Variants in CSMD1 observed in about 807,000 individuals in gnomAD.
CSMD1 encodes the protein CUB and Sushi multiple domains 1.
Under a neutral mutation model 417.5 loss-of-function variants are expected in CSMD1, and 213 were observed. The observed-to-expected ratio is 0.51, with a 90% CI of 0.46 to 0.57. The LOEUF (loss-of-function observed/expected upper bound fraction) is 0.57, where lower values mean the gene tolerates loss of function less well. CSMD1 is among the 20% of genes least tolerant of loss of function. The pLI, the probability that CSMD1 is intolerant of heterozygous loss-of-function variation, is 0.00. For synonymous variants in CSMD1, 2,862 were observed against 1,736.8 expected (o/e 1.65, Z -16.11); for missense variants, 6,923 against 4,529.7 (o/e 1.53, Z -15.17).
intron 6 of CSMD1, among the ~76,000 whole-genome samples, chr8:3,743,172 A>G (rs565365888): frequency 6.6e-6 from 1 of 151,924 alleles, no homozygotes; most frequent in Non-Finnish European, 1.5e-5. Context: ...GCATCTCTCT[A>G]CTGTGCTACA....
At chr8:4,361,338 A>G (rs1180672748) in intron 3 of CSMD1, among the ~76,000 whole-genome samples, 4 of 152,218 alleles carry the variant, frequency 2.6e-5, no homozygotes, top group Non-Finnish European at 5.9e-5. Context: ...GATATATCTG[A>G]TATCTGCAGT....
At chr8:3,971,325 G>T (rs189986610) in intron 5 of CSMD1, among the ~76,000 whole-genome samples, 1 of 152,146 alleles carries the variant, frequency 6.6e-6, no homozygotes, top group African/African-American at 2.4e-5. Flanking sequence ...AGTGGCTGCA[G>T]CTGCCGGTTC....
intron 10 of CSMD1, among the ~76,000 whole-genome samples, chr8:3,535,204 T>G (rs1798144940): frequency 6.6e-6 from 1 of 152,170 alleles, no homozygotes; most frequent in Non-Finnish European, 1.5e-5. Context: ...TCCTTCTGTT[T>G]CAGCCTCCCA....
intron 1 of CSMD1, among the ~76,000 whole-genome samples, chr8:4,841,930 A>AAAAAAAAAAAAAAAAAAAAAC (rs1192383183): frequency 8.2e-6 from 1 of 122,428 alleles, no homozygotes; most frequent in African/African-American, 3.3e-5. Context: ...AAAAAAAAAA[A>AAAAAAAAAAAAAAAAAAAAAC]AAAAAAAAGT....
intron 3 of CSMD1, among the ~76,000 whole-genome samples, chr8:4,151,523 A>C (rs1017317578): frequency 4.6e-5 from 7 of 152,230 alleles, no homozygotes; most frequent in African/African-American, 1.4e-4. Flanking sequence ...TTTGGTAGTG[A>C]AACTTTATCA....
chr8:3,605,521 G>A (rs536262814), intron 8 of CSMD1, among the ~76,000 whole-genome samples: 6 of 152,162 alleles, frequency 3.9e-5, no homozygotes, highest in African/African-American at 1.2e-4. Context: ...AACTAGAAAT[G>A]AGCAGTTGTT....
At chr8:4,789,035 T>G (rs564355767) in intron 1 of CSMD1, among the ~76,000 whole-genome samples, 1 of 152,188 alleles carries the variant, frequency 6.6e-6, no homozygotes, top group Non-Finnish European at 1.5e-5. Flanking sequence ...GTCTCACTCC[T>G]TGTTCCACAG....
intron 6 of CSMD1, among the ~76,000 whole-genome samples, chr8:3,742,285 G>A (rs906174492): frequency 1.3e-5 from 2 of 152,160 alleles, no homozygotes; most frequent in Middle Eastern, 3.4e-3. Context: ...TAAACATAAC[G>A]TTCATACAAA....
At chr8:3,569,705 C>G (rs1422544944) in intron 10 of CSMD1, among the ~76,000 whole-genome samples, 2 of 152,156 alleles carry the variant, frequency 1.3e-5, no homozygotes, top group Non-Finnish European at 2.9e-5. Flanking sequence ...GAGAAACCCA[C>G]TTACTTGGAA....
chr8:3,404,474 C>T (rs754197007), intron 15 of CSMD1, among the ~76,000 whole-genome samples: 1 of 152,076 alleles, frequency 6.6e-6, no homozygotes, highest in Non-Finnish European at 1.5e-5. Context: ...GAGTTTAATG[C>T]TCCACACCTA....
intron 47 of CSMD1, among the ~76,000 whole-genome samples, chr8:3,096,480 C>G (rs1033076505): frequency 1.3e-5 from 2 of 152,164 alleles, no homozygotes; most frequent in African/African-American, 2.4e-5. Context: ...CTCTCTCTGT[C>G]TCTCATGCCT....
chr8:3,900,747 C>T (rs888061141), intron 5 of CSMD1, among the ~76,000 whole-genome samples: 1 of 151,380 alleles, frequency 6.6e-6, no homozygotes, highest in Non-Finnish European at 1.5e-5. Flanking sequence ...GCTGCCACCG[C>T]AACTGGGTGA....
intron 3 of CSMD1, among the ~76,000 whole-genome samples, chr8:4,087,632 A>C (rs1800488442): frequency 6.6e-6 from 1 of 151,818 alleles, no homozygotes; most frequent in Non-Finnish European, 1.5e-5. Context: ...TTCTTCTTCG[A>C]TACTCTCACA....
chr8:3,413,088 C>T (rs73657856), intron 12 of CSMD1, among the ~76,000 whole-genome samples: 12,977 of 152,118 alleles, frequency 0.085, 659 homozygotes, highest in East Asian at 0.16. Flanking sequence ...CTACTTCCTA[C>T]CTCAAAGGGT....
At chr8:3,769,505 A>AC (rs1289005633) in intron 5 of CSMD1, among the ~76,000 whole-genome samples, 1 of 141,654 alleles carries the variant, frequency 7.1e-6, no homozygotes, top group African/African-American at 2.5e-5. Context: ...TAAAAAAATA[A>AC]GAAAAAATAT....
At chr8:4,953,384 C>T (rs10448093) in intron 1 of CSMD1, among the ~76,000 whole-genome samples, 10,594 of 151,860 alleles carry the variant, frequency 0.07, 499 homozygotes, top group African/African-American at 0.13. Flanking sequence ...AAGGACTATG[C>T]GATCAACACA....
intron 1 of CSMD1, among the ~76,000 whole-genome samples, chr8:4,695,842 G>A (rs565021980): frequency 1.3e-5 from 2 of 152,286 alleles, no homozygotes; most frequent in East Asian, 3.9e-4. Context: ...AATAAACAGA[G>A]GATCATCTAG....
At chr8:3,626,516 A>C (rs1796500769) in intron 7 of CSMD1, among the ~76,000 whole-genome samples, 1 of 152,074 alleles carries the variant, frequency 6.6e-6, no homozygotes, top group South Asian at 2.1e-4. Context: ...ATAGTTAAAC[A>C]TAATGTATTT....
chr8:4,894,775 C>A (rs117710187), intron 1 of CSMD1, among the ~76,000 whole-genome samples: 4 of 151,568 alleles, frequency 2.6e-5, no homozygotes, highest in Non-Finnish European at 4.4e-5. Context: ...TGTATAAAAT[C>A]TTCTGACTTT....
Sources: allele counts gnomAD v4.1 joint callset (sites outside exome capture counted in the v4.1 genomes callset), GRCh38; gene constraint gnomAD v4.1.1; transcripts MANE v1.5; gene names NCBI Gene and HGNC (gene_info 2026-07-23, HGNC 2026-07-21).